SMIM7: variants seen among roughly 807,000 people sequenced by gnomAD.
SMIM7 encodes the protein UPF0608 protein C19orf42.
A neutral mutation model predicts 13.3 loss-of-function variants in SMIM7; 12 were observed. That is an observed-to-expected ratio of 0.90 (90% CI 0.58 to 1.46). The LOEUF is 1.46. SMIM7 is among the 40% of genes most tolerant of loss of function. The pLI is 0.00. For missense variants in SMIM7, 114 were observed against 94.8 expected (o/e 1.20, Z -0.84); for synonymous variants, 36 against 35.8 (o/e 1.01, Z -0.02).
downstream of SMIM7, chr19:16,644,901 C>T (rs189514176): frequency 7.2e-5 from 11 of 152,304 alleles, 1 homozygote; most frequent in Admixed American, 5.2e-4. Flanking sequence ...ACCTTAGGCA[C>T]ACACTACTTG....
rs958748990 is a variant in SMIM7, at chr19:16,659,881, G to A, written c.68+78C>T. The A allele has an allele frequency of 7.8e-6, 12 of 1,530,506 alleles. No individual in the cohort carries two copies. In the African/African-American group the frequency reaches 1.6e-4, roughly 21 times the overall value. 94.8% of individuals were successfully genotyped at this position (1,530,506 alleles called of 1,614,324 possible). On this transcript the variant is annotated intron_variant, in intron 2 of 4. Transcript: ENST00000487416. ...GCGGCTTGGGGGCGGGGCCTGAGAA[G>A]TGCGCCGAGATCACGCTTATGAGGG...
chr19:16,634,773 G>T (rs1231619091), intron 4 of SMIM7: 6 of 83,998 alleles, frequency 7.1e-5, no homozygotes, highest in Non-Finnish European at 8.0e-5. Context: ...CTGAGACTCT[G>T]TCTTAAAAAA....
intron 4 of SMIM7, among the ~76,000 whole-genome samples, chr19:16,649,101 G>A (rs552618116): frequency 6.6e-6 from 1 of 152,294 alleles, no homozygotes; most frequent in African/African-American, 2.4e-5. Context: ...CAAGGATACG[G>A]AGAAAGTGTA....
chr19:16,642,781 A>G (rs1238859260), downstream of SMIM7, among the ~76,000 whole-genome samples: 1 of 151,104 alleles, frequency 6.6e-6, no homozygotes, highest in Non-Finnish European at 1.5e-5. Flanking sequence ...AGCTCTCATC[A>G]CGCCACCACA....
exon 5 of SMIM7, chr19:16,631,650 C>T (rs566730579): frequency 2.6e-5 from 4 of 152,182 alleles, no homozygotes; most frequent in Non-Finnish European, 4.4e-5. Flanking sequence ...CAGGAATAGT[C>T]TTCCACAGCG....
intron 3 of SMIM7, among the ~76,000 whole-genome samples, chr19:16,657,502 C>A (rs921510047): frequency 6.6e-6 from 1 of 152,190 alleles, no homozygotes; most frequent in African/African-American, 2.4e-5. Flanking sequence ...TGATTGAGTG[C>A]ACAACCGCTA....
intron 3 of SMIM7, chr19:16,655,464 T>A (rs900221089): frequency 8.4e-5 from 38 of 452,506 alleles, no homozygotes; most frequent in South Asian, 5.4e-4. Flanking sequence ...GCAGATTACC[T>A]GAGGTCGGGA....
chr19:16,635,484 C>G (rs1400030615), intron 4 of SMIM7, among the ~76,000 whole-genome samples: 1 of 151,856 alleles, frequency 6.6e-6, no homozygotes, highest in African/African-American at 2.4e-5. Flanking sequence ...TGTCCAAAAC[C>G]AACTAGGAGG....
chr19:16,630,847 A>G (rs1256448842), exon 5 of SMIM7: 1 of 152,252 alleles, frequency 6.6e-6, no homozygotes, highest in African/African-American at 2.4e-5. Context: ...TGAAAACATT[A>G]GCAAGTTCTT....
chr19:16,632,935 A>C (rs969290386), intron 4 of SMIM7, among the ~76,000 whole-genome samples: 1 of 152,256 alleles, frequency 6.6e-6, no homozygotes, highest in Non-Finnish European at 1.5e-5. Flanking sequence ...AATCAGATGT[A>C]GACAAATGTG....
At chr19:16,659,887 C>G in intron 2 of SMIM7, 72 bp downstream of exon 2, 9 of 1,539,618 alleles carry the variant, frequency 5.8e-6, no homozygotes, top group South Asian at 1.2e-5. Context: ...AGAAGTGCGC[C>G]GAGATCACGC....
chr19:16,645,661 T>C (rs975604252), downstream of SMIM7: 2 of 92,674 alleles, frequency 2.2e-5, no homozygotes, highest in African/African-American at 1.0e-4. Flanking sequence ...TACTCAATTC[T>C]TTTTTTTTTT....
chr19:16,659,352 T>A (rs1157929215), intron 3 of SMIM7, 43 bp downstream of exon 3: 23 of 1,506,886 alleles, frequency 1.5e-5, no homozygotes, highest in Non-Finnish European at 2.1e-5. Context: ...AGAACTGTCC[T>A]CTGAAGTGGA....
At chr19:16,644,016 T>A (rs2086424357), downstream of SMIM7, 4 of 151,732 alleles carry the variant, frequency 2.6e-5, no homozygotes, top group South Asian at 8.3e-4. Context: ...GCAGAACTCA[T>A]CCTTCCTTAT....
At chr19:16,644,119 T>G (rs1030267296), downstream of SMIM7, among the ~76,000 whole-genome samples, 13 of 103,228 alleles carry the variant, frequency 1.3e-4, no homozygotes, top group African/African-American at 2.0e-4. Context: ...ATTGTTTGCG[T>G]TTTTTTTTTT....
intron 4 of SMIM7, among the ~76,000 whole-genome samples, chr19:16,647,702 C>T (rs889523370): frequency 2.0e-5 from 3 of 151,986 alleles, no homozygotes; most frequent in Non-Finnish European, 4.4e-5. Context: ...GTGATCCACC[C>T]GCCTCAGCCT....
chr19:16,649,513 C>A (rs191650900), intron 4 of SMIM7, among the ~76,000 whole-genome samples: 1 of 152,210 alleles, frequency 6.6e-6, no homozygotes, highest in African/African-American at 2.4e-5. Context: ...GTGGAGGTTG[C>A]AGTGAGCTGA....
chr19:16,641,821 A>T (rs1282797417), downstream of SMIM7, among the ~76,000 whole-genome samples: 1 of 152,146 alleles, frequency 6.6e-6, no homozygotes, highest in African/African-American at 2.4e-5. Context: ...CTAATAAGGG[A>T]TCGCCTGGCT....
intron 4 of SMIM7, chr19:16,636,347 GA>G (rs1202378944): frequency 6.6e-6 from 1 of 152,056 alleles, no homozygotes; most frequent in Admixed American, 6.6e-5. Context: ...CTGTACTTTT[GA>G]CTTCCAGAAT....
Sources: allele counts gnomAD v4.1 joint callset (sites outside exome capture counted in the v4.1 genomes callset), GRCh38; gene constraint gnomAD v4.1.1; transcripts MANE v1.5; gene names NCBI Gene and HGNC (gene_info 2026-07-23, HGNC 2026-07-21).